Variants in HORMAD1 observed in about 807,000 individuals in gnomAD.
HORMAD1 encodes the protein HORMA domain containing 1.
HORMAD1 carries 33 observed loss-of-function variants against 58.2 expected under a neutral mutation model. That is an observed-to-expected ratio of 0.57 (90% CI 0.43 to 0.76). The LOEUF (loss-of-function observed/expected upper bound fraction) is 0.76, where lower values mean the gene tolerates loss of function less well. Among genes scored for constraint, HORMAD1 ranks in the 30% least tolerant of loss-of-function variants. HORMAD1 has a pLI of 0.00. For missense variants in HORMAD1, 363 were observed against 462.0 expected (o/e 0.79, Z 1.96); for synonymous variants, 137 against 144.6 (o/e 0.95, Z 0.38).
At chr1:150,704,795 C>T (rs1200435850) in intron 10 of HORMAD1, among the ~76,000 whole-genome samples, 1 of 152,172 alleles carries the variant, frequency 6.6e-6, no homozygotes, top group Non-Finnish European at 1.5e-5. Context: ...GTGTTCCCAG[C>T]ACTTTGGGAG....
At chr1:150,714,791 TTA>T in intron 3 of HORMAD1, 113 bp from the exon 4 acceptor site, 1 of 417,940 alleles carries the variant, frequency 2.4e-6, no homozygotes, top group Non-Finnish European at 4.2e-6. Context: ...ATTATTATAA[TTA>T]TTATTATTTT....
chr1:150,699,602 G>A (rs956482602), intron 14 of HORMAD1, among the ~76,000 whole-genome samples: 2 of 151,230 alleles, frequency 1.3e-5, no homozygotes, highest in African/African-American at 4.9e-5. Context: ...TTGGCTCACT[G>A]CAACCTCCAC....
At chr1:150,710,758 T>C (rs1381489761) in intron 7 of HORMAD1, among the ~76,000 whole-genome samples, 12 of 152,230 alleles carry the variant, frequency 7.9e-5, no homozygotes, top group Non-Finnish European at 2.9e-5. Context: ...ATTGCTTACA[T>C]AGTGATGTTT....
In HORMAD1 at chr1:150,706,539, T is replaced by G; in HGVS notation, c.804+14A>C. ...TGTTATTATTGTTCTTTATAACTCT[T>G]GAAATACACTTACACTTGTATAATG... On this transcript the variant is annotated intron_variant, in intron 10 of 14. Transcript: ENST00000361824. 6.3e-7 allele frequency: 1 copy of G among 1,577,574 alleles called. No individual in the cohort carries two copies. Among genetic ancestry groups the G allele is most frequent in the Non-Finnish European group, 8.6e-7 (1 of 1,156,344 alleles).
At chr1:150,702,219 T>C (rs587628952) in intron 13 of HORMAD1, among the ~76,000 whole-genome samples, 15 of 152,166 alleles carry the variant, frequency 9.9e-5, no homozygotes, top group African/African-American at 3.6e-4. Flanking sequence ...AAAACCACAA[T>C]GAGATACCAT....
At chr1:150,710,395 T>C (rs587715997) in intron 7 of HORMAD1, among the ~76,000 whole-genome samples, 1 of 152,334 alleles carries the variant, frequency 6.6e-6, no homozygotes, top group African/African-American at 2.4e-5. Context: ...AGTACATATC[T>C]CATTGATAGT....
chr1:150,707,804 C>T (rs965308629), intron 9 of HORMAD1, among the ~76,000 whole-genome samples: 4 of 152,038 alleles, frequency 2.6e-5, no homozygotes, highest in African/African-American at 7.2e-5. Context: ...GGCATGGTGG[C>T]GAGTGCCTGT....
intron 3 of HORMAD1, among the ~76,000 whole-genome samples, chr1:150,716,819 C>T (rs1350297592): frequency 1.3e-5 from 2 of 151,548 alleles, no homozygotes; most frequent in African/African-American, 4.8e-5. Context: ...AAAAATTAGC[C>T]GGGCGTGGTG....
At chr1:150,715,952 G>C (rs1355679259) in intron 3 of HORMAD1, among the ~76,000 whole-genome samples, 5 of 151,550 alleles carry the variant, frequency 3.3e-5, no homozygotes, top group African/African-American at 9.7e-5. Flanking sequence ...ACAAAAACTT[G>C]TACATCAGTG....
chr1:150,700,805 T>C (rs1651514172), intron 13 of HORMAD1, among the ~76,000 whole-genome samples: 1 of 152,222 alleles, frequency 6.6e-6, no homozygotes, highest in South Asian at 2.1e-4. Flanking sequence ...TCATTTTTTT[T>C]ATGGCTGATA....
chr1:150,720,086 T>G (rs1571081067), intron 1 of HORMAD1, among the ~76,000 whole-genome samples: 1 of 108,176 alleles, frequency 9.2e-6, no homozygotes, highest in South Asian at 3.6e-4. Flanking sequence ...ATACAATTTT[T>G]TTTTTCGAGA....
chr1:150,713,296 C>A (rs1651955974), intron 5 of HORMAD1, among the ~76,000 whole-genome samples: 1 of 152,074 alleles, frequency 6.6e-6, no homozygotes, highest in African/African-American at 2.4e-5. Context: ...TACAAGGGAC[C>A]TTTTTTGTTT....
intron 3 of HORMAD1, among the ~76,000 whole-genome samples, chr1:150,716,773 C>A (rs897549019): frequency 6.0e-5 from 9 of 149,052 alleles, no homozygotes; most frequent in African/African-American, 2.2e-4. Flanking sequence ...ACCATCCTGG[C>A]TAACACGGTG....
Position 150,706,696 on chromosome 1 carries a change from T to C in HORMAD1, c.661A>G (p.Ile221Val), listed in dbSNP as rs773826355. 9 of 1,613,918 alleles carry C rather than the reference T, an allele frequency of 5.6e-6. No individual in the cohort carries two copies. Among genetic ancestry groups the C allele is most frequent in the South Asian group, 1.1e-5 (1 of 91,076 alleles). Residue 221 changes from isoleucine to valine, a missense_variant, in exon 10 of 15, where the codon ATC (isoleucine) becomes GTC (valine). Physicochemically the swap from Ile to Val is conservative, Grantham distance 29 (BLOSUM62 3). This residue lies in a region of HORMAD1 where 226 missense variants were observed against 257.8 expected (regional missense o/e 0.88). Transcript: ENST00000361824. ...TCAGTGGTCACTTTTACTTTGAAGA[T>C]GTGAAAAGGTGTTGAGACTTCTCCC... is the stretch of plus-strand genomic sequence containing the variant. ...NVGEVSTPFH[I>V]FKVKVTTERE...
Position 150,714,227 on chromosome 1 carries a change from C to T in HORMAD1, c.243-106G>A, listed in dbSNP as rs1006308254. ...TCATTACTAAATAATACAAAAATGT[C>T]TTATTAAAGCTCCCTTCTTATTAAC... On this transcript the variant is annotated intron_variant, in intron 4 of 14. Coordinates refer to ENST00000361824, the MANE Select transcript of HORMAD1 (RefSeq NM_032132.5). The T allele has an allele frequency of 6.3e-6, 4 of 636,588 alleles. No homozygotes were observed. The South Asian group carries it at 9.3e-5, about 15-fold the overall frequency. 39.4% of individuals were successfully genotyped at this position (636,588 alleles called of 1,614,324 possible). A position where few individuals can be genotyped will look rare whatever the true frequency, so the allele number is the denominator to read the frequency against.
chr1:150,717,416 C>T (rs587745270), intron 2 of HORMAD1, 134 bp from the exon 3 acceptor site: 1 of 459,292 alleles, frequency 2.2e-6, no homozygotes, highest in East Asian at 3.5e-5. Context: ...GGTTAGTAAT[C>T]CCCCAAAAGT....
intron 4 of HORMAD1, 33 bp from the exon 5 acceptor site, chr1:150,714,154 T>C (rs1651991110): frequency 1.6e-6 from 2 of 1,289,442 alleles, no homozygotes; most frequent in African/African-American, 1.5e-5. Flanking sequence ...ATTTTTAGAC[T>C]GAATGCATTT....
chr1:150,714,120 T>C lies in HORMAD1; in HGVS notation c.244A>G (p.Met82Val), dbSNP rs1265060177. Residue 82 changes from methionine to valine, a missense_variant and splice_region_variant, in exon 5 of 15, where the codon ATG becomes GTG. Met to Val is a conservative substitution (Grantham distance 21, BLOSUM62 1). Transcript: ENST00000361824. ...CPGSTQLVKW[M>V]LGCYDALQKK... is the part of the protein sequence containing the mutation. ...TGTAAAGCATCATAACATCCTAGCA[T>C]CCTAAAAAAAAAATCAAGGATTCAT... 5 of 1,515,274 alleles carry C rather than the reference T, an allele frequency of 3.3e-6. No individual in the cohort carries two copies. Among genetic ancestry groups the C allele is most frequent in the Admixed American group, 1.9e-5 (1 of 52,038 alleles). 93.9% of individuals were successfully genotyped at this position (1,515,274 alleles called of 1,614,324 possible).
In HORMAD1 at chr1:150,708,853, G is replaced by C. The variant is rs200626947; in HGVS notation, c.395+41C>G. 12 of 987,262 alleles carry C rather than the reference G, an allele frequency of 1.2e-5. No homozygotes were observed. The African/African-American group carries it at 1.3e-4, about 11-fold the overall frequency. The allele number at this position is 987,262 out of a possible 1,614,324, so 61.2% of individuals were successfully genotyped here. A position where few individuals can be genotyped will look rare whatever the true frequency, so the allele number is the denominator to read the frequency against. On this transcript the variant is annotated intron_variant, in intron 8 of 14. Coordinates refer to ENST00000361824, the MANE Select transcript of HORMAD1 (RefSeq NM_032132.5). The stretch of plus-strand genomic sequence containing the variant: ...AGCTATATAGCATTAATATGAATAA[G>C]TGGTAATCTGTAATACAAACAGAAA...
Sources: allele counts gnomAD v4.1 joint callset (sites outside exome capture counted in the v4.1 genomes callset), GRCh38; gene constraint gnomAD v4.1.1; regional missense constraint gnomAD v4.1.1; transcripts MANE v1.5; gene names NCBI Gene and HGNC (gene_info 2026-07-23, HGNC 2026-07-21).